Variants in MALRD1 observed in about 807,000 individuals in gnomAD.
MALRD1 encodes the protein MAM and LDL receptor class A domain containing 1.
Under a neutral mutation model 242.1 loss-of-function variants are expected in MALRD1, and 247 were observed. The ratio of observed to expected loss-of-function variants is 1.02; its 90% CI spans 0.92 to 1.13. The LOEUF (loss-of-function observed/expected upper bound fraction) is 1.13. MALRD1 is among the 50% of genes most tolerant of loss of function. MALRD1 has a pLI of 0.00. For missense variants in MALRD1, 2,989 were observed against 2,533.1 expected, an observed-to-expected ratio of 1.18 and a Z score of -3.86; for synonymous variants, 995 against 866.6, an observed-to-expected ratio of 1.15 and a Z score of -2.60.
intron 28 of MALRD1, among the ~76,000 whole-genome samples, chr10:19,397,816 T>C (rs1846654250): frequency 6.6e-6 from 1 of 152,004 alleles, no homozygotes. Context: ...CTAACACTTC[T>C]TTATCTTTTG....
chr10:19,050,150 G>T (rs1395787418), intron 1 of MALRD1, among the ~76,000 whole-genome samples: 2 of 145,922 alleles, frequency 1.4e-5, no homozygotes, highest in African/African-American at 2.5e-5. Flanking sequence ...TGCAGTGGCG[G>T]GATCTCGGCT....
At position 19,237,775 on chromosome 10, in the gene MALRD1, ATAAT is replaced by A. The variant is rs551931420; in HGVS notation, c.2992-19906_2992-19903del. Among the ~76,000 whole-genome samples the A allele has an allele frequency of 6.4e-4, 74 of 115,860 alleles. 1 individual carries two copies. The East Asian group carries it at 0.017, about 27-fold the overall frequency. The allele number at this position is 115,860 out of a possible 152,430, so 76.0% of individuals were successfully genotyped here. ...TAAAACCATAATTATATATAAAAAC[ATAAT>A]TATTTATAATTTTATATATAATTAT... On this transcript the variant is annotated intron_variant, in intron 18 of 39. Coordinates refer to ENST00000454679, the MANE Select transcript of MALRD1 (RefSeq NM_001142308.3).
intron 38 of MALRD1, among the ~76,000 whole-genome samples, chr10:19,705,020 T>C (rs1042251125): frequency 6.6e-6 from 1 of 152,180 alleles, no homozygotes; most frequent in Non-Finnish European, 1.5e-5. Context: ...TCCCAAATCT[T>C]GGACTAGCTA....
chr10:19,087,875 A>G lies in MALRD1; in HGVS notation c.376A>G (p.Ile126Val), dbSNP rs1835727078. 2.3e-5 allele frequency: 28 copies of G among 1,232,660 alleles called. No homozygotes were observed. The highest frequency in any genetic ancestry group is 2.7e-5 in the Non-Finnish European group (27 of 987,680). 76.4% of individuals were successfully genotyped at this position (1,232,660 alleles called of 1,614,324 possible). A position where few individuals can be genotyped will look rare whatever the true frequency, so the allele number is the denominator to read the frequency against. Residue 126 changes from isoleucine to valine, a missense_variant, in exon 3 of 40, where the codon ATT becomes GTT. Coordinates refer to ENST00000454679, the MANE Select transcript of MALRD1 (RefSeq NM_001142308.3). Reference protein sequence around the residue: ...FLSLVSRVDSISSSLRSRVFL... With the variant: ...FLSLVSRVDSVSSSLRSRVFL... ...CTCACTGGTTTCCAGAGTGGATTCT[A>G]TTTCCTCAAGTTTAAGAAGCAGAGT... is the stretch of plus-strand genomic sequence containing the variant.
chr10:19,257,841 A>G (rs889034270), intron 19 of MALRD1, 70 bp downstream of exon 19: 15 of 1,059,910 alleles, frequency 1.4e-5, no homozygotes, highest in South Asian at 9.7e-5. Context: ...AAGGAAATCA[A>G]TATTTCATTT....
rs1464408825 is a variant in MALRD1 at position 19,049,132 on chromosome 10, G to A, written c.194G>A (p.Arg65Gln). 7.3e-6 allele frequency: 9 copies of A among 1,233,834 alleles called. No individual in the cohort carries two copies. The highest frequency in any genetic ancestry group is 8.2e-5 in the South Asian group (2 of 24,404). The allele number at this position is 1,233,834 out of a possible 1,614,324, so 76.4% of individuals were successfully genotyped here. ...TDQCGDSSDE[R>Q]HCLNYERCDF... ...CAGTGTGGGGATAGCAGTGATGAAC[G>A]GCACTGTAAGTGACATTCTCCTTTC... is the stretch of plus-strand genomic sequence containing the variant. Residue 65 changes from arginine (R) to glutamine (Q), a missense_variant, in exon 1 of 40, where the codon CGG (arginine) becomes CAG (glutamine). Transcript: ENST00000454679.
chr10:19,165,939 A>G, intron 13 of MALRD1, 129 bp downstream of exon 13: 13 of 578,674 alleles, frequency 2.2e-5, no homozygotes, highest in Non-Finnish European at 3.3e-5. Context: ...ATACAATGCA[A>G]CAGAAGACAC....
At chr10:19,322,686 G>T (rs1842954184) in intron 21 of MALRD1, among the ~76,000 whole-genome samples, 1 of 152,118 alleles carries the variant, frequency 6.6e-6, no homozygotes, top group Admixed American at 6.6e-5. Flanking sequence ...ACAGCCACTG[G>T]CAAGACCTGC....
rs1026550800 is a variant in MALRD1, at chr10:19,730,701, T to G, written c.6315-5T>G. On this transcript the variant is annotated splice_region_variant and splice_polypyrimidine_tract_variant and intron_variant, in intron 38 of 39. Transcript: ENST00000454679. ...TTTATTTTTGATGGCCCTGTGTGCT[T>G]TAAGGAAAACCGAGGGAAGTGGTAA... The G allele has an allele frequency of 6.5e-7, 1 of 1,536,494 alleles. No homozygotes were observed. The highest frequency in any genetic ancestry group is 1.4e-5 in the African/African-American group (1 of 73,020).
chr10:19,587,098 A>T (rs11812681), intron 33 of MALRD1, among the ~76,000 whole-genome samples: 1 of 152,194 alleles, frequency 6.6e-6, no homozygotes, highest in Non-Finnish European at 1.5e-5. Flanking sequence ...CGCACGGTGC[A>T]TGCACCCACT....
chr10:19,250,898 C>G (rs1364335912), intron 18 of MALRD1, among the ~76,000 whole-genome samples: 1 of 151,816 alleles, frequency 6.6e-6, no homozygotes, highest in Non-Finnish European at 1.5e-5. Context: ...AGTAAAAAAA[C>G]ATGTCTGAGG....
intron 28 of MALRD1, among the ~76,000 whole-genome samples, chr10:19,438,027 A>G: frequency 6.6e-6 from 1 of 151,964 alleles, no homozygotes; most frequent in South Asian, 2.1e-4. Context: ...TGAGTTTTAG[A>G]TTTTTTTATT....
chr10:19,389,273 A>C (rs1489080441), intron 27 of MALRD1, 179 bp from the exon 28 acceptor site: 1 of 730,572 alleles, frequency 1.4e-6, no homozygotes, highest in Non-Finnish European at 2.4e-6. Flanking sequence ...ACAGTTGGAA[A>C]TTGTTCTGTC....
intron 33 of MALRD1, among the ~76,000 whole-genome samples, chr10:19,576,641 C>T (rs1169418796): frequency 6.6e-6 from 1 of 152,074 alleles, no homozygotes; most frequent in Non-Finnish European, 1.5e-5. Context: ...TAAAATGATC[C>T]CATCAAACAG....
rs574881096 is a variant in MALRD1 at position 19,631,455 on chromosome 10, A to T, written c.6137+15532A>T. Among the ~76,000 whole-genome samples the T allele has an allele frequency of 2.2e-3, 331 of 152,296 alleles. 4 individuals are homozygous for T. Among genetic ancestry groups the T allele is most frequent in the African/African-American group, 7.3e-3 (305 of 41,564 alleles). On this transcript the variant is annotated intron_variant, in intron 36 of 39. Coordinates refer to ENST00000454679, the MANE Select transcript of MALRD1 (RefSeq NM_001142308.3). The stretch of plus-strand genomic sequence containing the variant: ...TTGTGAATAGTGCTATAATGAACAT[A>T]CGCATGCATGTGTCTTTATGGTAGG...
At chr10:19,713,992 G>A (rs191922105) in intron 38 of MALRD1, among the ~76,000 whole-genome samples, 13 of 152,276 alleles carry the variant, frequency 8.5e-5, no homozygotes, top group Admixed American at 2.0e-4. Context: ...CAGGCAAGTT[G>A]TGGGGATCCG....
chr10:19,244,401 A>G (rs935431615), intron 18 of MALRD1, among the ~76,000 whole-genome samples: 7 of 151,970 alleles, frequency 4.6e-5, no homozygotes, highest in African/African-American at 1.7e-4. Context: ...GACAAACCCC[A>G]TTTGTACAAA....
chr10:19,500,684 A>T (rs1295361171), intron 31 of MALRD1, among the ~76,000 whole-genome samples: 2 of 152,228 alleles, frequency 1.3e-5, no homozygotes, highest in African/African-American at 4.8e-5. Flanking sequence ...CAATTTAGAA[A>T]GCATTTTGGC....
rs10763975 is a variant in MALRD1, at chr10:19,389,568, G to A, written c.4804G>A (p.Val1602Ile). 0.87 allele frequency: 1,342,141 copies of A among 1,550,402 alleles called. 582,686 individuals are homozygous for A. Among genetic ancestry groups the A allele is most frequent in the African/African-American group, 0.92 (67,544 of 73,084 alleles). ...CTGCACCATGAGCTTCTGGTATTTC[G>A]TATCTGCAAAGGCCACAGGATCCAT... ...AACTMSFWYF[V>I]SAKATGSIQI... Residue 1602 changes from valine to isoleucine, a missense_variant, in exon 28 of 40, where the codon GTA (valine) becomes ATA (isoleucine). Transcript: ENST00000454679.
Sources: allele counts gnomAD v4.1 joint callset (sites outside exome capture counted in the v4.1 genomes callset), GRCh38; gene constraint gnomAD v4.1.1; transcripts MANE v1.5; gene names NCBI Gene and HGNC (gene_info 2026-07-23, HGNC 2026-07-21).